Variants in MFSD2B observed in about 807,000 individuals in gnomAD.
MFSD2B encodes MFSD2 lysolipid transporter B, sphingolipid.
Under a neutral mutation model 58.4 loss-of-function variants are expected in MFSD2B, and 56 were observed. The ratio of observed to expected loss-of-function variants is 0.96; its 90% CI spans 0.77 to 1.20. The LOEUF is 1.20. Ranked by LOEUF, MFSD2B falls within the 50% of genes most tolerant of loss-of-function variation. MFSD2B has a pLI of 0.00. For missense variants in MFSD2B, 645 were observed against 667.6 expected (o/e 0.97, Z 0.37); for synonymous variants, 287 against 294.4 (o/e 0.97, Z 0.26).
chr2:24,016,752 G>A, intron 3 of MFSD2B, 93 bp from the exon 4 acceptor site: 2 of 1,491,786 alleles, frequency 1.3e-6, no homozygotes, highest in South Asian at 1.3e-5. Flanking sequence ...GATTCTCAAG[G>A]GGCAGAGAAG....
rs1286186656 is a variant in MFSD2B, at chr2:24,025,043, G to A, written c.1491-389G>A. On this transcript the variant is annotated intron_variant, in intron 13 of 13. Coordinates refer to ENST00000338315, the MANE Select transcript of MFSD2B (RefSeq NM_001346880.2). Reference sequence around the variant, plus strand: ...GGAATCACTGCTGCAGCATCACCACGTCTGGTCCAGCAGACGTGCACAAGC... The same window carrying A: ...GGAATCACTGCTGCAGCATCACCACATCTGGTCCAGCAGACGTGCACAAGC... Among the ~76,000 whole-genome samples, 4 of 152,320 alleles carry A rather than the reference G, an allele frequency of 2.6e-5. No homozygotes were observed. In the East Asian group the frequency reaches 5.8e-4, roughly 22 times the overall value.
chr2:24,023,524 A>T lies in MFSD2B; in HGVS notation c.1170-59A>T. 4 of 1,561,944 alleles carry T rather than the reference A, an allele frequency of 2.6e-6. No individual in the cohort carries two copies. The highest frequency in any genetic ancestry group is 3.5e-6 in the Non-Finnish European group (4 of 1,152,852). ...CCACTTTGGCCTCCGTCCCCAGAGA[A>T]TTCACAGGCTGCTGGTGGCCAAGGG... On this transcript the variant is annotated intron_variant, in intron 11 of 13. Transcript: ENST00000338315. This position sits in a 1 kb window ranked among gnomAD's most constrained non-coding sequence, Gnocchi z 5.0.
Position 24,024,120 on chromosome 2 carries a change from TG to T in MFSD2B, c.1340del (p.Cys447SerfsTer22). On this transcript the variant is annotated frameshift_variant, in exon 13 of 14. Transcript: ENST00000338315. LOFTEE classifies it high-confidence loss of function. This position sits in a 1 kb window ranked among gnomAD's most constrained non-coding sequence, Gnocchi z 4.3. ...LEFSGYKAGV[C>X]KQAEEVVVTL... Reference sequence around the variant, plus strand: ...GTTCTCGGGGTATAAGGCAGGGGTCTGCAAGCAAGCAGAGGAGGTGGTGGTC... The same window carrying T: ...GTTCTCGGGGTATAAGGCAGGGGTCTCAAGCAAGCAGAGGAGGTGGTGGTC... 2 of 1,613,844 alleles carry T rather than the reference TG, an allele frequency of 1.2e-6. No homozygotes were observed. Among genetic ancestry groups the T allele is most frequent in the Non-Finnish European group, 1.7e-6 (2 of 1,179,806 alleles).
chr2:24,021,085 A>G lies in MFSD2B; in HGVS notation c.682-563A>G. 6.6e-6 allele frequency among the ~76,000 whole-genome samples: 1 copy of G among 151,594 alleles called. No individual in the cohort carries two copies. The highest frequency in any genetic ancestry group is 6.6e-5 in the Admixed American group (1 of 15,202). ...CTAAATGTTTGTATTTTTAGTAGAG[A>G]TGGGGTTTCACGATGTTGGCCAGGC... is the stretch of plus-strand genomic sequence containing the variant. On this transcript the variant is annotated intron_variant, in intron 6 of 13. Coordinates refer to ENST00000338315, the MANE Select transcript of MFSD2B (RefSeq NM_001346880.2). The surrounding 1 kb of genome is among the most constrained non-coding windows in gnomAD (Gnocchi z 5.7).
Position 24,017,455 on chromosome 2 carries a change from C to G in MFSD2B, c.551-3C>G, listed in dbSNP as rs1709196998. On this transcript the variant is annotated splice_region_variant and splice_polypyrimidine_tract_variant and intron_variant, in intron 5 of 13. Coordinates refer to ENST00000338315, the MANE Select transcript of MFSD2B (RefSeq NM_001346880.2). This position sits in a 1 kb window ranked among gnomAD's most constrained non-coding sequence, Gnocchi z 4.8. ...GTCACCTTAAGTGGCACTCTGTCTC[C>G]AGGGATGACTGTGGAGATGGCGGGA... 1 of 1,601,780 alleles carries G rather than the reference C, an allele frequency of 6.2e-7. No homozygotes were observed. The highest frequency in any genetic ancestry group is 1.3e-5 in the African/African-American group (1 of 74,706).
rs1558317347 is a variant in MFSD2B, at chr2:24,010,105, G to GC, written c.14dup (p.Ala6CysfsTer66). ...GCGGCGCTGCGGTGGCAATGGCGGC[G>GC]CCCCCTGCACCAGCCGCCAAGGGGT... On this transcript the variant is annotated frameshift_variant, in exon 1 of 14. Transcript: ENST00000338315. LOFTEE classifies it high-confidence loss of function. The GC allele has an allele frequency of 6.3e-6, 9 of 1,435,274 alleles. No homozygotes were observed. The highest frequency in any genetic ancestry group is 2.5e-4 in the Middle Eastern group (1 of 4,046). 88.9% of individuals were successfully genotyped at this position (1,435,274 alleles called of 1,614,324 possible).
chr2:24,013,835 A>ATTTTTTTTTTTTTTTTTTTTTTT (rs1709042597), intron 2 of MFSD2B, among the ~76,000 whole-genome samples: 1 of 123,324 alleles, frequency 8.1e-6, no homozygotes, highest in Non-Finnish European at 1.7e-5. Flanking sequence ...GCCCAAGACG[A>ATTTTTTTTTTTTTTTTTTTTTTT]TTCTTTTTTT....
chr2:24,013,821 T>C (rs1405904087), intron 2 of MFSD2B, among the ~76,000 whole-genome samples: 8 of 151,296 alleles, frequency 5.3e-5, no homozygotes, highest in African/African-American at 1.9e-4. Context: ...TGTGTTTATA[T>C]GTGGCCCAAG....
Position 24,023,460 on chromosome 2 carries a change from TG to T in MFSD2B, c.1170-121del, listed in dbSNP as rs1476273219. ...GCACACAGGCCATCTGCTTCTCTGGTGGCCAGTCTGGTCCTGGGCACAGAAC... is the reference window on the plus strand; with the variant it reads ...GCACACAGGCCATCTGCTTCTCTGGTGCCAGTCTGGTCCTGGGCACAGAAC... On this transcript the variant is annotated intron_variant, in intron 11 of 13. Transcript: ENST00000338315. The surrounding 1 kb of genome is among the most constrained non-coding windows in gnomAD (Gnocchi z 5.0). 5.0e-6 allele frequency: 6 copies of T among 1,211,718 alleles called. No individual in the cohort carries two copies. The East Asian group carries it at 1.3e-4, about 26-fold the overall frequency. The allele number at this position is 1,211,718 out of a possible 1,614,324, so 75.1% of individuals were successfully genotyped here. A position where few individuals can be genotyped will look rare whatever the true frequency, so the allele number is the denominator to read the frequency against.
intron 1 of MFSD2B, among the ~76,000 whole-genome samples, chr2:24,011,010 A>G (rs1708934882): frequency 6.6e-6 from 1 of 152,198 alleles, no homozygotes; most frequent in African/African-American, 2.4e-5. Flanking sequence ...GCAAGAGGGA[A>G]ACACTCGCAT....
chr2:24,013,065 G>A (rs1431528877), intron 1 of MFSD2B: 2 of 396,640 alleles, frequency 5.0e-6, no homozygotes, highest in Non-Finnish European at 8.9e-6. Flanking sequence ...ATGTCCAGAA[G>A]AACTTCCCCC....
Position 24,017,014 on chromosome 2 carries a change from G to A in MFSD2B, c.471+46G>A. Reference sequence around the variant, plus strand: ...GGCCTGTGCTCTGGCGAAGCCCATTGCTGGCCATGGCCACTCTGAAGTGTG... The same window carrying A: ...GGCCTGTGCTCTGGCGAAGCCCATTACTGGCCATGGCCACTCTGAAGTGTG... On this transcript the variant is annotated intron_variant, in intron 4 of 13. Transcript: ENST00000338315. The surrounding 1 kb of genome is among the most constrained non-coding windows in gnomAD (Gnocchi z 4.8). The A allele has an allele frequency of 6.2e-7, 1 of 1,608,796 alleles. No individual in the cohort carries two copies.
chr2:24,021,789 T>A lies in MFSD2B; in HGVS notation c.772+51T>A. 1 of 1,612,764 alleles carries A rather than the reference T, an allele frequency of 6.2e-7. No homozygotes were observed. Among genetic ancestry groups the A allele is most frequent in the Non-Finnish European group, 8.5e-7 (1 of 1,179,218 alleles). On this transcript the variant is annotated intron_variant, in intron 7 of 13. Coordinates refer to ENST00000338315, the MANE Select transcript of MFSD2B (RefSeq NM_001346880.2). This position sits in a 1 kb window ranked among gnomAD's most constrained non-coding sequence, Gnocchi z 5.7. Reference sequence around the variant, plus strand: ...CAGAAGCTGGGGGCAGGGCTCTGCTTGGGGGCAGGTTTTGCTTTTGAACTC... The same window carrying A: ...CAGAAGCTGGGGGCAGGGCTCTGCTAGGGGGCAGGTTTTGCTTTTGAACTC...
chr2:24,025,631 C>T lies in MFSD2B; in HGVS notation c.*175C>T, dbSNP rs563345790. ...GACTGGCCCGCACTCCAGGACCCCA[C>T]TTGGCATTTCTTGTCTGTTGCCTTC... On this transcript the variant is annotated 3_prime_UTR_variant, in exon 14 of 14. Transcript: ENST00000338315. The T allele has an allele frequency of 3.4e-5, 21 of 614,916 alleles. No individual in the cohort carries two copies. The highest frequency in any genetic ancestry group is 3.1e-4 in the African/African-American group (17 of 54,778). 38.1% of individuals were successfully genotyped at this position (614,916 alleles called of 1,614,324 possible). A position where few individuals can be genotyped will look rare whatever the true frequency, so the allele number is the denominator to read the frequency against.
At chr2:24,010,579 C>CGGCCTCCCTCCCAGACCCT (rs1558317724) in intron 1 of MFSD2B, among the ~76,000 whole-genome samples, 1 of 152,198 alleles carries the variant, frequency 6.6e-6, no homozygotes, top group African/African-American at 2.4e-5. Context: ...GCTGTGGCCT[C>CGGCCTCCCTCCCAGACCCT]GGCCTCCCTC....
chr2:24,017,284 A>C lies in MFSD2B; in HGVS notation c.472-2A>C, dbSNP rs1309331479. On this transcript the variant is annotated splice_acceptor_variant, in intron 4 of 13. Transcript: ENST00000338315. LOFTEE classifies it high-confidence loss of function. This position sits in a 1 kb window ranked among gnomAD's most constrained non-coding sequence, Gnocchi z 4.8. ...CGGTTCTAAGCTCTGCCGACGCCCC[A>C]GTTCTTCCAGGTGCCCTACACAGCG... is the stretch of plus-strand genomic sequence containing the variant. 3.8e-6 allele frequency: 6 copies of C among 1,596,660 alleles called. No individual in the cohort carries two copies. Among genetic ancestry groups the C allele is most frequent in the Non-Finnish European group, 5.1e-6 (6 of 1,172,520 alleles).
chr2:24,011,151 C>T (rs992621423), intron 1 of MFSD2B, among the ~76,000 whole-genome samples: 2 of 152,206 alleles, frequency 1.3e-5, no homozygotes, highest in Admixed American at 1.3e-4. Context: ...GCCCCTCGCC[C>T]GGAGCCGCCC....
In MFSD2B at chr2:24,010,167, C is replaced by G; in HGVS notation, c.71C>G (p.Pro24Arg). Residue 24 changes from proline (P) to arginine (R), a missense_variant, in exon 1 of 14, where the codon CCG becomes CGG. Pro to Arg is a moderately radical substitution (Grantham distance 103). Coordinates refer to ENST00000338315, the MANE Select transcript of MFSD2B (RefSeq NM_001346880.2). ...QPEPHAPEPG[P>R]GSAKRGREDS... is the part of the protein sequence containing the mutation. ...GAGCCGCACGCCCCAGAGCCCGGCC[C>G]GGGGAGCGCCAAGCGAGGGCGAGAG... 1 of 1,447,190 alleles carries G rather than the reference C, an allele frequency of 6.9e-7. No individual in the cohort carries two copies. The highest frequency in any genetic ancestry group is 1.4e-5 in the South Asian group (1 of 72,700). 89.6% of individuals were successfully genotyped at this position (1,447,190 alleles called of 1,614,324 possible).
chr2:24,024,889 C>T lies in MFSD2B; in HGVS notation c.1491-543C>T, dbSNP rs898091026. On this transcript the variant is annotated intron_variant, in intron 13 of 13. Transcript: ENST00000338315. This position sits in a 1 kb window ranked among gnomAD's most constrained non-coding sequence, Gnocchi z 4.3. Reference sequence around the variant, plus strand: ...CCTACCAGAACACCGACCCCACTGACGGGGAGGATCTACTCACTGTCTGAC... The same window carrying T: ...CCTACCAGAACACCGACCCCACTGATGGGGAGGATCTACTCACTGTCTGAC... Among the ~76,000 whole-genome samples, 2 of 152,080 alleles carry T rather than the reference C, an allele frequency of 1.3e-5. No homozygotes were observed. The highest frequency in any genetic ancestry group is 6.5e-5 in the Admixed American group (1 of 15,272).
Sources: allele counts gnomAD v4.1 joint callset (sites outside exome capture counted in the v4.1 genomes callset), GRCh38; gene constraint gnomAD v4.1.1; non-coding constraint Gnocchi (gnomAD v3.1); transcripts MANE v1.5; gene names NCBI Gene and HGNC (gene_info 2026-07-23, HGNC 2026-07-21).